PDE11A: variants seen among roughly 807,000 people sequenced by gnomAD.
The protein encoded by PDE11A is phosphodiesterase 11A, also known as dual 3',5'-cyclic-AMP and -GMP phosphodiesterase 11A.
In PDE11A, 100 loss-of-function variants were observed where a neutral mutation model predicts 100.5. That is an observed-to-expected ratio of 1.00 (90% CI 0.85 to 1.18). The LOEUF is 1.18. Among genes scored for constraint, PDE11A ranks in the 50% most tolerant of loss-of-function variants. The pLI is 0.00. For missense variants in PDE11A, 1,141 were observed against 1,152.6 expected (o/e 0.99, Z 0.15); for synonymous variants, 381 against 420.8 (o/e 0.91, Z 1.16).
intron 19 of PDE11A, among the ~76,000 whole-genome samples, chr2:177,642,968 TG>T (rs1230525477): frequency 1.3e-5 from 2 of 152,214 alleles, no homozygotes; most frequent in Admixed American, 6.5e-5. Flanking sequence ...CTGCCATCCA[TG>T]TAAGATGTGA....
chr2:177,979,992 T>G (rs572952011), intron 2 of PDE11A, among the ~76,000 whole-genome samples: 1 of 150,634 alleles, frequency 6.6e-6, no homozygotes, highest in East Asian at 1.9e-4. Context: ...TCCCCAAATA[T>G]CAAGATTATC....
At chr2:178,028,024 C>T (rs1045670472) in intron 1 of PDE11A, among the ~76,000 whole-genome samples, 10 of 152,076 alleles carry the variant, frequency 6.6e-5, no homozygotes, top group African/African-American at 2.2e-4. Flanking sequence ...ACTGAAAGCC[C>T]AGGTTAGAAA....
At chr2:177,914,764 T>C (rs971130206) in intron 2 of PDE11A, among the ~76,000 whole-genome samples, 5 of 152,216 alleles carry the variant, frequency 3.3e-5, no homozygotes, top group African/African-American at 1.2e-4. Context: ...TATTTTCTGA[T>C]GAGAAATGCC....
intron 19 of PDE11A, among the ~76,000 whole-genome samples, chr2:177,654,248 G>A (rs940184201): frequency 2.8e-4 from 42 of 152,318 alleles, no homozygotes; most frequent in African/African-American, 7.5e-4. Context: ...AGTTGGATGC[G>A]GTGGCTCATG....
At chr2:177,955,495 A>G (rs550842824) in intron 2 of PDE11A, among the ~76,000 whole-genome samples, 1 of 152,202 alleles carries the variant, frequency 6.6e-6, no homozygotes, top group African/African-American at 2.4e-5. Flanking sequence ...GGAAATTCCC[A>G]AAGTATTCTA....
At chr2:177,710,121 G>C (rs2105423022) in intron 13 of PDE11A, among the ~76,000 whole-genome samples, 1 of 152,154 alleles carries the variant, frequency 6.6e-6, no homozygotes, top group South Asian at 2.1e-4. Context: ...ACAGGAGGGA[G>C]AGGAAGATTG....
intron 2 of PDE11A, among the ~76,000 whole-genome samples, chr2:177,943,777 C>T (rs567395938): frequency 4.6e-5 from 7 of 152,148 alleles, no homozygotes; most frequent in African/African-American, 9.6e-5. Flanking sequence ...ATGCTTTTGA[C>T]GTCATATTCA....
chr2:177,829,178 A>G (rs1425743212), intron 6 of PDE11A, among the ~76,000 whole-genome samples: 1 of 152,158 alleles, frequency 6.6e-6, no homozygotes, highest in African/African-American at 2.4e-5. Flanking sequence ...ATATGGAAAC[A>G]GAGAGAGGAG....
upstream of PDE11A, among the ~76,000 whole-genome samples, chr2:178,077,270 T>C (rs1299615326): frequency 4.8e-5 from 7 of 145,462 alleles, no homozygotes; most frequent in East Asian, 2.0e-4. Flanking sequence ...CTTTTTTTTT[T>C]TTTTTTTTTT....
chr2:178,035,670 T>A (rs1442736813), intron 1 of PDE11A, among the ~76,000 whole-genome samples: 1 of 152,218 alleles, frequency 6.6e-6, no homozygotes, highest in Non-Finnish European at 1.5e-5. Flanking sequence ...ATCAAAAAGC[T>A]TATCCAACAC....
chr2:178,015,855 A>G (rs1004323307), intron 1 of PDE11A, among the ~76,000 whole-genome samples: 1 of 152,188 alleles, frequency 6.6e-6, no homozygotes, highest in African/African-American at 2.4e-5. Flanking sequence ...AAGGTAGATG[A>G]TAAACTGGAT....
chr2:177,873,835 TA>T (rs753596707), intron 5 of PDE11A, among the ~76,000 whole-genome samples: 7 of 152,244 alleles, frequency 4.6e-5, no homozygotes, highest in Non-Finnish European at 7.3e-5. Flanking sequence ...TATTTTTACT[TA>T]CTGGTTTCTA....
chr2:177,910,042 G>T (rs941347171), intron 2 of PDE11A, among the ~76,000 whole-genome samples: 1 of 152,098 alleles, frequency 6.6e-6, no homozygotes, highest in Non-Finnish European at 1.5e-5. Flanking sequence ...TCAATCAAAG[G>T]CTTAATTGAA....
chr2:177,938,513 C>A (rs187901735), intron 2 of PDE11A, among the ~76,000 whole-genome samples: 1 of 152,170 alleles, frequency 6.6e-6, no homozygotes, highest in African/African-American at 2.4e-5. Context: ...TTCTCGGCAG[C>A]CTCCTCACAT....
chr2:177,891,635 C>A (rs928775889), intron 4 of PDE11A, among the ~76,000 whole-genome samples: 4 of 152,196 alleles, frequency 2.6e-5, no homozygotes, highest in Non-Finnish European at 4.4e-5. Context: ...GCTGGGTACT[C>A]ATTTTTCAAT....
intron 2 of PDE11A, among the ~76,000 whole-genome samples, chr2:177,992,086 A>G (rs1409118650): frequency 2.0e-5 from 3 of 151,152 alleles, no homozygotes; most frequent in Non-Finnish European, 4.4e-5. Context: ...TTTTTTTCTA[A>G]TTCTAAAATA....
At chr2:177,784,516 T>A (rs1347109982) in intron 9 of PDE11A, among the ~76,000 whole-genome samples, 1 of 152,130 alleles carries the variant, frequency 6.6e-6, no homozygotes, top group Admixed American at 6.5e-5. Flanking sequence ...AATCAAAAAA[T>A]AACCATAAGT....
intron 6 of PDE11A, among the ~76,000 whole-genome samples, chr2:177,823,986 G>C (rs1330584858): frequency 2.0e-5 from 3 of 152,166 alleles, no homozygotes; most frequent in Non-Finnish European, 2.9e-5. Context: ...CAGTAAGAAA[G>C]ACAATTTAGA....
intron 12 of PDE11A, among the ~76,000 whole-genome samples, chr2:177,725,984 GT>G (rs1423773253): frequency 6.6e-6 from 1 of 152,038 alleles, no homozygotes; most frequent in Non-Finnish European, 1.5e-5. Flanking sequence ...GGGTTAAAAA[GT>G]TTTTTATTGA....
Sources: gnomAD v4.1 joint callset for allele counts (sites outside exome capture counted in the v4.1 genomes callset) on GRCh38, gnomAD v4.1.1 for gene constraint, MANE v1.5 for transcripts, NCBI Gene and HGNC (gene_info 2026-07-23, HGNC 2026-07-21) for gene names.